The following KLB variants were observed in gnomAD, a reference collection of about 807,000 sequenced individuals.
KLB encodes the protein beta-klotho.
Under a neutral mutation model 88.4 loss-of-function variants are expected in KLB, and 44 were observed. The ratio of observed to expected loss-of-function variants is 0.50; its 90% CI spans 0.39 to 0.64. The LOEUF (loss-of-function observed/expected upper bound fraction) is 0.64, where lower values mean the gene tolerates loss of function less well. KLB is among the 30% of genes least tolerant of loss of function. The pLI is 0.00. For missense variants in KLB, 1,137 were observed against 1,304.8 expected (o/e 0.87, Z 1.98); for synonymous variants, 548 against 513.4 (o/e 1.07, Z -0.91).
intron 1 of KLB, among the ~76,000 whole-genome samples, chr4:39,417,129 G>A (rs537906607): frequency 6.6e-6 from 1 of 151,792 alleles, no homozygotes; most frequent in African/African-American, 2.4e-5. Flanking sequence ...CCTTGGTAAA[G>A]TCAGGTTTCA....
At chr4:39,429,607 C>G (rs922402756) in intron 1 of KLB, among the ~76,000 whole-genome samples, 1 of 152,188 alleles carries the variant, frequency 6.6e-6, no homozygotes, top group African/African-American at 2.4e-5. Context: ...TCCCTTAAAT[C>G]AATCATTACA....
chr4:39,409,481 G>C (rs1252949373), intron 1 of KLB, among the ~76,000 whole-genome samples: 1 of 150,434 alleles, frequency 6.6e-6, no homozygotes, highest in Non-Finnish European at 1.5e-5. Context: ...TAGTAGAGAG[G>C]GGTTTCACTA....
chr4:39,421,611 T>C (rs1261526957), intron 1 of KLB, among the ~76,000 whole-genome samples: 1 of 152,154 alleles, frequency 6.6e-6, no homozygotes, highest in African/African-American at 2.4e-5. Flanking sequence ...ATAATTTAGC[T>C]GGGCATAGTA....
chr4:39,434,410 G>T lies in KLB; in HGVS notation c.1026G>T (p.Glu342Asp). ...TCCATGGGGATGGCGACTATCCAGA[G>T]GGGATGAGAAAGAAGTTGTTCTCCG... Reference protein sequence around the residue: ...NPIHGDGDYPEGMRKKLFSVL... With the variant: ...NPIHGDGDYPDGMRKKLFSVL... The change falls in exon 2 of 5, where the codon GAG becomes GAT. Residue 342 changes from glutamate (E) to aspartate (D), a missense_variant. This residue lies in a region of KLB where 597 missense variants were observed against 765.2 expected (regional missense o/e 0.78). Transcript: ENST00000257408. The T allele has an allele frequency of 6.2e-7, 1 of 1,614,174 alleles. No individual in the cohort carries two copies. Among genetic ancestry groups the T allele is most frequent in the Non-Finnish European group, 8.5e-7 (1 of 1,180,026 alleles).
chr4:39,419,511 C>T (rs779837935), intron 1 of KLB, among the ~76,000 whole-genome samples: 6 of 152,106 alleles, frequency 3.9e-5, no homozygotes, highest in African/African-American at 4.8e-5. Context: ...CGGTGGCTCA[C>T]GCCTGTAATC....
rs1412745461 is a variant in KLB, at chr4:39,434,699, T to C, written c.1315T>C (p.Phe439Leu). ...CACGGCCATCTACATGATGAAGAAT[T>C]TCCTCAGCCAGGTGCTTCAAGGTTG... The part of the protein sequence containing the change: ...DTTAIYMMKN[F>L]LSQVLQAIRL... The change falls in exon 2 of 5, where the codon TTC becomes CTC. Residue 439 changes from phenylalanine (F) to leucine (L), a missense_variant. Physicochemically the swap from Phe to Leu is conservative, Grantham distance 22. Transcript: ENST00000257408. 1 of 1,613,004 alleles carries C rather than the reference T, an allele frequency of 6.2e-7. No homozygotes were observed. Among genetic ancestry groups the C allele is most frequent in the East Asian group, 2.2e-5 (1 of 44,872 alleles).
chr4:39,446,857 G>A lies in KLB; in HGVS notation c.2131G>A (p.Ala711Thr). 6.2e-7 allele frequency: 1 copy of A among 1,611,176 alleles called. No individual in the cohort carries two copies. Residue 711 changes from alanine to threonine, a missense_variant, in exon 4 of 5, where the codon GCG becomes ACG. Ala to Thr is a moderately conservative substitution (Grantham distance 58, BLOSUM62 0). Transcript: ENST00000257408. The surrounding 1 kb of genome is among the most constrained non-coding windows in gnomAD (Gnocchi z 6.4). The stretch of plus-strand genomic sequence containing the variant: ...CCGCTCTGGCAACGACACCTACGGG[G>A]CGGCGCACAACCTGCTGGTGGCCCA... ...YNRSGNDTYG[A>T]AHNLLVAHAL...
At chr4:39,407,842 C>A in intron 1 of KLB, 68 bp downstream of exon 1, 1 of 893,048 alleles carries the variant, frequency 1.1e-6, no homozygotes, top group Non-Finnish European at 1.6e-6. Flanking sequence ...TACCTTCTGC[C>A]TCAGTAATTC....
intron 1 of KLB, among the ~76,000 whole-genome samples, chr4:39,420,476 T>C (rs937502649): frequency 6.6e-6 from 1 of 152,128 alleles, no homozygotes; most frequent in South Asian, 2.1e-4. Flanking sequence ...TGAAGAGTGA[T>C]AGCATAGAAC....
Position 39,434,721 on chromosome 4 carries a change from G to C in KLB, c.1336+1G>C. 1 of 1,609,126 alleles carries C rather than the reference G, an allele frequency of 6.2e-7. No individual in the cohort carries two copies. The highest frequency in any genetic ancestry group is 8.5e-7 in the Non-Finnish European group (1 of 1,177,974). ...AATTTCCTCAGCCAGGTGCTTCAAGGTTGGTTGTACACTTGCTTAATTTTT... is the reference window on the plus strand; with the variant it reads ...AATTTCCTCAGCCAGGTGCTTCAAGCTTGGTTGTACACTTGCTTAATTTTT... On this transcript the variant is annotated splice_donor_variant, in intron 2 of 4. Coordinates refer to ENST00000257408, the MANE Select transcript of KLB (RefSeq NM_175737.4). LOFTEE classifies it high-confidence loss of function.
At chr4:39,433,831 G>C (rs2109835329) in intron 1 of KLB, among the ~76,000 whole-genome samples, 1 of 152,236 alleles carries the variant, frequency 6.6e-6, no homozygotes, top group African/African-American at 2.4e-5. Context: ...CTACACTCCA[G>C]CCTAGGCGAC....
At position 39,435,656 on chromosome 4, in the gene KLB, C is replaced by A. The variant is rs147550778; in HGVS notation, c.1336+936C>A. On this transcript the variant is annotated intron_variant, in intron 2 of 4. Transcript: ENST00000257408. ...GACCAGGTTGGTCTCGAACTCCTGA[C>A]CTCAGGTGATCCACCTGCCTCAGCC... 7.6e-3 allele frequency among the ~76,000 whole-genome samples: 1,160 copies of A among 152,118 alleles called. 10 individuals are homozygous for A. The highest frequency in any genetic ancestry group is 9.3e-3 in the Non-Finnish European group (633 of 67,996).
intron 4 of KLB, 85 bp downstream of exon 4, chr4:39,447,560 G>A (rs913268693): frequency 3.4e-6 from 4 of 1,166,304 alleles, no homozygotes; most frequent in Admixed American, 2.7e-5. Context: ...GCAGGCTGGT[G>A]CCTGACAGCA....
chr4:39,418,310 G>A (rs1394644692), intron 1 of KLB, among the ~76,000 whole-genome samples: 2 of 151,862 alleles, frequency 1.3e-5, no homozygotes, highest in East Asian at 1.9e-4. Context: ...GTGCAATCTC[G>A]GCTCACTGCA....
Position 39,434,478 on chromosome 4 carries a change from G to T in KLB, c.1094G>T (p.Gly365Val). The change falls in exon 2 of 5, where the codon GGC becomes GTC. Residue 365 changes from glycine (G) to valine (V), a missense_variant. This residue lies in a region of KLB where 597 missense variants were observed against 765.2 expected (regional missense o/e 0.78). Coordinates refer to ENST00000257408, the MANE Select transcript of KLB (RefSeq NM_175737.4). ...GAAGCAGAGAAGCATGAGATGAGAG[G>T]CACAGCTGATTTCTTTGCCTTTTCT... ...FSEAEKHEMR[G>V]TADFFAFSFG... 6.2e-7 allele frequency: 1 copy of T among 1,614,168 alleles called. No individual in the cohort carries two copies. Among genetic ancestry groups the T allele is most frequent in the Non-Finnish European group, 8.5e-7 (1 of 1,180,030 alleles).
chr4:39,436,190 G>A (rs1382612449), intron 2 of KLB, among the ~76,000 whole-genome samples: 1 of 152,150 alleles, frequency 6.6e-6, no homozygotes, highest in African/African-American at 2.4e-5. Context: ...ATTCTCCATG[G>A]ATCTTTCTAA....
intron 1 of KLB, among the ~76,000 whole-genome samples, chr4:39,431,072 A>G (rs1011450062): frequency 1.4e-5 from 2 of 145,480 alleles, no homozygotes; most frequent in Non-Finnish European, 3.0e-5. Context: ...ACGTATCACC[A>G]TGCCTGGCTA....
Position 39,434,323 on chromosome 4 carries a change from G to A in KLB, c.939G>A (p.Thr313=), listed in dbSNP as rs775693690. The part of the protein sequence containing the change: ...HWIEPNRSEN[T]MDIFKCQQSM... ...TCGAGCCAAACCGGTCGGAAAACAC[G>A]ATGGATATATTCAAATGTCAACAAT... Residue 313 remains threonine, a synonymous_variant, in exon 2 of 5, where the codon ACG becomes ACA. Transcript: ENST00000257408. The A allele has an allele frequency of 1.2e-5, 20 of 1,614,070 alleles. No individual in the cohort carries two copies. The highest frequency in any genetic ancestry group is 3.3e-5 in the South Asian group (3 of 91,086).
intron 1 of KLB, among the ~76,000 whole-genome samples, chr4:39,429,796 G>T (rs1355073963): frequency 2.0e-5 from 3 of 152,144 alleles, no homozygotes; most frequent in Non-Finnish European, 4.4e-5. Context: ...GCAAACTCAC[G>T]ATCTTGGAGC....
Sources: allele counts gnomAD v4.1 joint callset (sites outside exome capture counted in the v4.1 genomes callset), GRCh38; gene constraint gnomAD v4.1.1; regional missense constraint gnomAD v4.1.1; non-coding constraint Gnocchi (gnomAD v3.1); transcripts MANE v1.5; gene names NCBI Gene and HGNC (gene_info 2026-07-23, HGNC 2026-07-21).